ANKRD11: variants seen among roughly 807,000 people sequenced by gnomAD.
The protein encoded by ANKRD11 is ankyrin repeat domain 11.
In ANKRD11, 17 loss-of-function variants were observed where a neutral mutation model predicts 195.7. The ratio of observed to expected loss-of-function variants is 0.09; its 90% CI spans 0.06 to 0.13. The LOEUF (loss-of-function observed/expected upper bound fraction) is 0.13. Among genes scored for constraint, ANKRD11 ranks in the 10% least tolerant of loss-of-function variants. ANKRD11 has a pLI of 1.00. For synonymous variants in ANKRD11, 1,953 were observed against 1,528.1 expected, an observed-to-expected ratio of 1.28 and a Z score of -6.49; for missense variants, 3,735 against 3,566.1, an observed-to-expected ratio of 1.05 and a Z score of -1.21.
chr16:89,432,017 C>G (rs949129139), intron 1 of ANKRD11, among the ~76,000 whole-genome samples: 1 of 152,106 alleles, frequency 6.6e-6, no homozygotes, highest in East Asian at 1.9e-4. Flanking sequence ...CTACTGCAAC[C>G]GCTCTGACTT....
At chr16:89,313,466 T>C in intron 3 of ANKRD11, 1 of 1,289,160 alleles carries the variant, frequency 7.8e-7, no homozygotes, top group South Asian at 1.2e-5. Flanking sequence ...TGCTCACTGG[T>C]GCAGCCAAAG....
At position 89,280,763 on chromosome 16, in the gene ANKRD11, C is replaced by G; in HGVS notation, c.5779G>C (p.Glu1927Gln). Reference sequence around the variant, plus strand: ...TCCAGCGGCTCCAGGTAGCTGGGCTCCGGGGGGATGATGGCGGCCGTCGCC... The same window carrying G: ...TCCAGCGGCTCCAGGTAGCTGGGCTGCGGGGGGATGATGGCGGCCGTCGCC... ...QQATAAIIPP[E>Q]PSYLEPLDEG... The change falls in exon 9 of 13, where the codon GAG (glutamate) becomes CAG (glutamine). Residue 1927 changes from glutamate (E) to glutamine (Q), a missense_variant. Transcript: ENST00000301030. 1.2e-6 allele frequency: 2 copies of G among 1,612,656 alleles called. No homozygotes were observed. Among genetic ancestry groups the G allele is most frequent in the Admixed American group, 1.7e-5 (1 of 59,986 alleles).
At chr16:89,354,556 G>C (rs527440594) in intron 2 of ANKRD11, among the ~76,000 whole-genome samples, 3 of 152,288 alleles carry the variant, frequency 2.0e-5, no homozygotes, top group African/African-American at 7.2e-5. Context: ...ATACTCAAGA[G>C]ATTTGATTGT....
At position 89,281,047 on chromosome 16, in the gene ANKRD11, C is replaced by G. The variant is rs1278587826; in HGVS notation, c.5495G>C (p.Arg1832Thr). 1.2e-6 allele frequency: 2 copies of G among 1,603,306 alleles called. No individual in the cohort carries two copies. The highest frequency in any genetic ancestry group is 8.5e-7 in the Non-Finnish European group (1 of 1,172,664). Residue 1832 changes from arginine (R) to threonine (T), a missense_variant, in exon 9 of 13, where the codon AGG becomes ACG. Transcript: ENST00000301030. The surrounding 1 kb of genome is among the most constrained non-coding windows in gnomAD (Gnocchi z 5.5). ...DSPMPPSMED[R>T]APLPPVPAEK... ...CGCGGGAACCGGGGGCAGGGGCGCC[C>G]TGTCTTCCATCGAGGGTGGCATGGG... is the stretch of plus-strand genomic sequence containing the variant.
At chr16:89,463,112 G>C (rs1305663042) in intron 1 of ANKRD11, among the ~76,000 whole-genome samples, 2 of 148,484 alleles carry the variant, frequency 1.3e-5, no homozygotes, top group East Asian at 2.1e-4. Context: ...GCCTCTGCCC[G>C]GCCGCCCCTA....
rs764756309 is a variant in ANKRD11, at chr16:89,283,088, T to C, written c.3454A>G (p.Lys1152Glu). The C allele has an allele frequency of 1.9e-5, 30 of 1,613,840 alleles. No homozygotes were observed. Among genetic ancestry groups the C allele is most frequent in the Non-Finnish European group, 2.3e-5 (27 of 1,180,006 alleles). The change falls in exon 9 of 13, where the codon AAG becomes GAG. Residue 1152 changes from lysine (K) to glutamate (E), a missense_variant. By Grantham distance (56) the Lys-to-Glu change is moderately conservative. Coordinates refer to ENST00000301030, the MANE Select transcript of ANKRD11 (RefSeq NM_013275.6). This position sits in a 1 kb window ranked among gnomAD's most constrained non-coding sequence, Gnocchi z 4.3. ...DLPRTDGLQE[K>E]EEGREAYASD... Reference sequence around the variant, plus strand: ...GCATAGGCCTCCCGTCCTTCCTCCTTCTCCTGGAGGCCGTCCGTCCTCGGC... The same window carrying C: ...GCATAGGCCTCCCGTCCTTCCTCCTCCTCCTGGAGGCCGTCCGTCCTCGGC...
At chr16:89,396,363 C>CACACTCCCACACACAG (rs2041428995) in intron 2 of ANKRD11, among the ~76,000 whole-genome samples, 1 of 151,928 alleles carries the variant, frequency 6.6e-6, no homozygotes, top group Non-Finnish European at 1.5e-5. Context: ...CCCACACACA[C>CACACTCCCACACACAG]GCGACGGAGC....
chr16:89,375,745 T>G (rs1374042394), intron 2 of ANKRD11, among the ~76,000 whole-genome samples: 3 of 136,968 alleles, frequency 2.2e-5, no homozygotes, highest in East Asian at 2.2e-4. Context: ...CATGAGCCAC[T>G]GCACCCAGCC....
chr16:89,274,703 G>GCTGAGCACCCGGGAAGCTC, intron 11 of ANKRD11, 111 bp downstream of exon 11: 9 of 1,505,894 alleles, frequency 6.0e-6, no homozygotes, highest in Non-Finnish European at 8.2e-6. Context: ...CCTGCAAGGT[G>GCTGAGCACCCGGGAAGCTC]CTGAGCACCC....
intron 1 of ANKRD11, among the ~76,000 whole-genome samples, chr16:89,477,140 T>A (rs1051028862): frequency 6.6e-6 from 1 of 151,788 alleles, no homozygotes; most frequent in African/African-American, 2.4e-5. Flanking sequence ...AATTTATATC[T>A]CAGAAAACAG....
At chr16:89,408,088 A>C (rs1317292116) in intron 2 of ANKRD11, among the ~76,000 whole-genome samples, 2 of 152,164 alleles carry the variant, frequency 1.3e-5, no homozygotes, top group Non-Finnish European at 2.9e-5. Flanking sequence ...AAGCCACTGC[A>C]CATGTGTGAC....
intron 1 of ANKRD11, among the ~76,000 whole-genome samples, chr16:89,470,112 T>C (rs1465844364): frequency 2.6e-5 from 4 of 151,680 alleles, no homozygotes; most frequent in Admixed American, 2.6e-4. Flanking sequence ...TTCACCGTGT[T>C]AGCCAGGATG....
rs756374514 is a variant in ANKRD11 at position 89,274,967 on chromosome 16, G to A, written c.7570-10C>T. On this transcript the variant is annotated splice_polypyrimidine_tract_variant and intron_variant, in intron 10 of 12. Coordinates refer to ENST00000301030, the MANE Select transcript of ANKRD11 (RefSeq NM_013275.6). ...ATACGATCAGCTTCTCCTGAAGGAG[G>A]AGAGGAGTAGAGTGAGCTGGGACAC... 1.2e-5 allele frequency: 19 copies of A among 1,613,050 alleles called. No homozygotes were observed. The highest frequency in any genetic ancestry group is 3.3e-5 in the South Asian group (3 of 91,066).
At position 89,283,532 on chromosome 16, in the gene ANKRD11, G is replaced by T; in HGVS notation, c.3010C>A (p.His1004Asn). 1 of 1,613,218 alleles carries T rather than the reference G, an allele frequency of 6.2e-7. No homozygotes were observed. The highest frequency in any genetic ancestry group is 8.5e-7 in the Non-Finnish European group (1 of 1,180,036). ...TTCTTCTCCTTCTCTCGTGCTGGGT[G>T]GTGCCGTTCCCACGGCTCCAGGCCC... ...GKGLEPWERHHPAREKEKKDG... is the reference protein window; with the variant it reads ...GKGLEPWERHNPAREKEKKDG... The change falls in exon 9 of 13, where the codon CAC (histidine) becomes AAC (asparagine). Residue 1004 changes from histidine (H) to asparagine (N), a missense_variant. Coordinates refer to ENST00000301030, the MANE Select transcript of ANKRD11 (RefSeq NM_013275.6). The surrounding 1 kb of genome is among the most constrained non-coding windows in gnomAD (Gnocchi z 4.3).
At chr16:89,357,968 T>C (rs2039562198) in intron 2 of ANKRD11, among the ~76,000 whole-genome samples, 1 of 152,264 alleles carries the variant, frequency 6.6e-6, no homozygotes. Context: ...GATTTAGTTA[T>C]GATGCTCAAT....
At chr16:89,274,502 C>T (rs549570723) in intron 11 of ANKRD11, among the ~76,000 whole-genome samples, 1 of 152,148 alleles carries the variant, frequency 6.6e-6, no homozygotes, top group Non-Finnish European at 1.5e-5. Context: ...CGCTGACACC[C>T]GTGAGAGGTA....
chr16:89,485,448 C>T (rs2057580695), intron 1 of ANKRD11, among the ~76,000 whole-genome samples: 2 of 152,008 alleles, frequency 1.3e-5, no homozygotes, highest in East Asian at 3.9e-4. Flanking sequence ...GACCCAAGAT[C>T]GTGCCACTGC....
chr16:89,470,031 G>A (rs987430743), intron 1 of ANKRD11, among the ~76,000 whole-genome samples: 3 of 149,212 alleles, frequency 2.0e-5, no homozygotes, highest in Admixed American at 6.7e-5. Context: ...TCAGCCTCTC[G>A]AGTAGCTGGG....
At chr16:89,359,069 C>A (rs1425023393) in intron 2 of ANKRD11, among the ~76,000 whole-genome samples, 1 of 152,014 alleles carries the variant, frequency 6.6e-6, no homozygotes, top group Non-Finnish European at 1.5e-5. Context: ...ACTGACAGAG[C>A]AAAGCCTTTC....
Sources: allele counts gnomAD v4.1 joint callset (sites outside exome capture counted in the v4.1 genomes callset), GRCh38; gene constraint gnomAD v4.1.1; non-coding constraint Gnocchi (gnomAD v3.1); transcripts MANE v1.5; gene names NCBI Gene and HGNC (gene_info 2026-07-23, HGNC 2026-07-21).